The following HOMER2 variants were observed in gnomAD, a reference collection of about 807,000 sequenced individuals.
HOMER2 encodes the protein homer protein homolog 2.
Under a neutral mutation model 47.0 loss-of-function variants are expected in HOMER2, and 27 were observed. That is an observed-to-expected ratio of 0.57 (90% CI 0.42 to 0.79). HOMER2 has a LOEUF of 0.79. Ranked by LOEUF, HOMER2 falls within the 30% of genes least tolerant of loss-of-function variation. The probability of loss-of-function intolerance (pLI) is 0.00; values close to 1 mark genes in which losing one functional copy is unlikely to be tolerated. For missense variants in HOMER2, 443 were observed against 435.0 expected (o/e 1.02, Z -0.16); for synonymous variants, 161 against 163.8 (o/e 0.98, Z 0.13).
chr15:82,857,142 G>T (rs1017125165), intron 5 of HOMER2, among the ~76,000 whole-genome samples: 1 of 152,104 alleles, frequency 6.6e-6, no homozygotes, highest in Non-Finnish European at 1.5e-5. Flanking sequence ...CTAGGATTAG[G>T]TGAGGGCGTG....
Position 82,849,766 on chromosome 15 carries a change from G to T in HOMER2, c.981C>A (p.Asp327Glu). Residue 327 changes from aspartate (D) to glutamate (E), a missense_variant, in exon 9 of 9, where the codon GAC becomes GAA. By Grantham distance (45) the Asp-to-Glu change is conservative. Coordinates refer to ENST00000450735, the MANE Select transcript of HOMER2 (RefSeq NM_004839.4). ...SFLEVLDGKI[D>E]DLHDFRRGLS... is the part of the protein sequence containing the mutation. Reference sequence around the variant, plus strand: ...GCCCTCGGCGGAAGTCATGCAGGTCGTCAATCTTCCCGTCCAGCACCTCCA... The same window carrying T: ...GCCCTCGGCGGAAGTCATGCAGGTCTTCAATCTTCCCGTCCAGCACCTCCA... 1 of 1,613,882 alleles carries T rather than the reference G, an allele frequency of 6.2e-7. No homozygotes were observed. The highest frequency in any genetic ancestry group is 8.5e-7 in the Non-Finnish European group (1 of 1,179,846).
At chr15:82,850,639 A>G (rs1402226533) in intron 8 of HOMER2, among the ~76,000 whole-genome samples, 2 of 152,238 alleles carry the variant, frequency 1.3e-5, no homozygotes, top group East Asian at 3.8e-4. Context: ...GCAGTTACCA[A>G]TTCCAGGGTC....
intron 3 of HOMER2, among the ~76,000 whole-genome samples, chr15:82,866,876 A>G (rs1001567402): frequency 2.0e-5 from 3 of 152,194 alleles, no homozygotes; most frequent in Non-Finnish European, 4.4e-5. Context: ...AGTCTTGAGT[A>G]TATCTTTATC....
intron 8 of HOMER2, among the ~76,000 whole-genome samples, chr15:82,850,288 C>G (rs913383279): frequency 2.0e-5 from 3 of 152,258 alleles, no homozygotes; most frequent in African/African-American, 4.8e-5. Context: ...TCCTGAGAGA[C>G]AGAACAGATG....
chr15:82,911,445 A>G (rs2053452441), intron 1 of HOMER2, among the ~76,000 whole-genome samples: 1 of 152,218 alleles, frequency 6.6e-6, no homozygotes, highest in South Asian at 2.1e-4. Context: ...ATTTAGGTTT[A>G]GGGGAAAAAA....
chr15:82,964,898 G>A (rs2054660054), intron 1 of HOMER2, among the ~76,000 whole-genome samples: 1 of 152,196 alleles, frequency 6.6e-6, no homozygotes, highest in South Asian at 2.1e-4. Flanking sequence ...AAGGTTCCGT[G>A]CTCCATAGGT....
chr15:82,911,748 C>T (rs2053459327), intron 1 of HOMER2, among the ~76,000 whole-genome samples: 1 of 152,164 alleles, frequency 6.6e-6, no homozygotes, highest in East Asian at 1.9e-4. Flanking sequence ...TTAAATTTCA[C>T]GGCCGGGTGA....
chr15:82,955,176 T>TC (rs987093511), upstream of HOMER2, among the ~76,000 whole-genome samples: 1 of 149,484 alleles, frequency 6.7e-6, no homozygotes, highest in African/African-American at 2.4e-5. Context: ...TTTTTCTTTT[T>TC]TTTTTTTTTT....
chr15:82,952,392 GGC>G, intron 1 of HOMER2, 137 bp downstream of exon 1: 1 of 551,076 alleles, frequency 1.8e-6, no homozygotes, highest in Non-Finnish European at 2.6e-6. Context: ...CAGACTCCCG[GGC>G]GCAGAGTGTG....
intron 1 of HOMER2, chr15:82,926,728 T>C (rs933774733): frequency 6.6e-6 from 1 of 152,136 alleles, no homozygotes; most frequent in Non-Finnish European, 1.5e-5. Context: ...ATTGTAACAG[T>C]ATTAAGAGGT....
chr15:82,862,062 TTC>T lies in HOMER2; in HGVS notation c.387+2103_387+2104del, dbSNP rs769353023. ...TTAAAAACAAAAACAAAAATAGTCTTTCTCTCTCTTTTTTTTTTTTTAATAGA... is the reference window on the plus strand; with the variant it reads ...TTAAAAACAAAAACAAAAATAGTCTTTCTCTCTTTTTTTTTTTTTAATAGA... On this transcript the variant is annotated intron_variant, in intron 4 of 8. Transcript: ENST00000450735. 4.5e-5 allele frequency among the ~76,000 whole-genome samples: 6 copies of T among 134,180 alleles called. No homozygotes were observed. In the East Asian group the frequency reaches 1.2e-3, roughly 28 times the overall value. The allele number at this position is 134,180 out of a possible 152,430, so 88.0% of individuals were successfully genotyped here. A position where few individuals can be genotyped will look rare whatever the true frequency, so the allele number is the denominator to read the frequency against.
intron 2 of HOMER2, among the ~76,000 whole-genome samples, chr15:82,876,114 C>T (rs1356198890): frequency 6.6e-6 from 1 of 152,152 alleles, no homozygotes; most frequent in Admixed American, 6.5e-5. Context: ...CACATGGCAA[C>T]CTCACAGGAG....
chr15:82,903,402 C>T (rs1391023935), intron 1 of HOMER2, among the ~76,000 whole-genome samples: 4 of 152,002 alleles, frequency 2.6e-5, no homozygotes, highest in Non-Finnish European at 5.9e-5. Context: ...CACCTGAGGT[C>T]GGGAGTTTGA....
chr15:82,917,395 G>A (rs532452441), intron 1 of HOMER2, among the ~76,000 whole-genome samples: 2 of 152,208 alleles, frequency 1.3e-5, no homozygotes, highest in Non-Finnish European at 2.9e-5. Flanking sequence ...CAGGCTGAGA[G>A]CAGAACAGCT....
At chr15:82,871,099 C>T (rs966343345) in intron 3 of HOMER2, among the ~76,000 whole-genome samples, 1 of 152,228 alleles carries the variant, frequency 6.6e-6, no homozygotes, top group Non-Finnish European at 1.5e-5. Context: ...TTTATGTCCT[C>T]TCCAGTGGGT....
At chr15:82,956,566 G>A (rs2151247678), upstream of HOMER2, among the ~76,000 whole-genome samples, 1 of 152,298 alleles carries the variant, frequency 6.6e-6, no homozygotes, top group South Asian at 2.1e-4. Flanking sequence ...GGGATAAGAA[G>A]GGGACAAGAG....
chr15:82,902,380 TAG>T (rs2053150937), intron 1 of HOMER2, among the ~76,000 whole-genome samples: 1 of 152,066 alleles, frequency 6.6e-6, no homozygotes, highest in Non-Finnish European at 1.5e-5. Flanking sequence ...GTATTTTTAG[TAG>T]AGACAGGGTT....
intron 1 of HOMER2, among the ~76,000 whole-genome samples, chr15:82,929,633 G>A (rs2053953820): frequency 6.9e-6 from 1 of 145,412 alleles, no homozygotes. Flanking sequence ...ACTCCAGCCT[G>A]GGTGACAGAG....
At chr15:82,855,264 T>C in intron 5 of HOMER2, among the ~76,000 whole-genome samples, 1 of 129,718 alleles carries the variant, frequency 7.7e-6, no homozygotes, top group East Asian at 2.4e-4. Flanking sequence ...AGGTGGAGGT[T>C]GCAGTGAGCC....
Sources: gnomAD v4.1 joint callset for allele counts (sites outside exome capture counted in the v4.1 genomes callset) on GRCh38, gnomAD v4.1.1 for gene constraint, MANE v1.5 for transcripts, NCBI Gene and HGNC (gene_info 2026-07-23, HGNC 2026-07-21) for gene names.